Variants in UNC80 observed in about 807,000 individuals in gnomAD.
UNC80 encodes protein unc-80 homolog.
UNC80 carries 164 observed loss-of-function variants against 384.6 expected under a neutral mutation model. The observed-to-expected ratio is 0.43, with a 90% CI of 0.38 to 0.49. The LOEUF (loss-of-function observed/expected upper bound fraction) is 0.49. Among genes scored for constraint, UNC80 ranks in the 20% least tolerant of loss-of-function variants. The pLI is 0.00. For missense variants in UNC80, 3,330 were observed against 4,143.0 expected, an observed-to-expected ratio of 0.80 and a Z score of 5.39; for synonymous variants, 1,486 against 1,527.8, an observed-to-expected ratio of 0.97 and a Z score of 0.64.
chr2:209,788,003 G>A (rs1391095577), intron 5 of UNC80, among the ~76,000 whole-genome samples: 1 of 152,188 alleles, frequency 6.6e-6, no homozygotes, highest in African/African-American at 2.4e-5. Flanking sequence ...GGAAGACAGT[G>A]ATACAGATGA....
chr2:209,960,858 G>A (rs560454931), intron 51 of UNC80: 1 of 152,310 alleles, frequency 6.6e-6, no homozygotes, highest in South Asian at 2.1e-4. Flanking sequence ...CAGAGAAAGG[G>A]GAGGGACATT....
chr2:209,815,528 T>G, intron 9 of UNC80, 137 bp downstream of exon 9: 1 of 838,152 alleles, frequency 1.2e-6, no homozygotes, highest in Non-Finnish European at 1.8e-6. Context: ...CTCCTAGATG[T>G]GACACTGACT....
intron 22 of UNC80, among the ~76,000 whole-genome samples, chr2:209,851,456 G>A (rs1341584128): frequency 1.3e-5 from 2 of 152,104 alleles, no homozygotes; most frequent in Non-Finnish European, 2.9e-5. Context: ...CAAATGGAAA[G>A]GGTGGTGGTA....
At chr2:209,941,582 A>T (rs1363570664) in intron 44 of UNC80, 93 bp downstream of exon 44, 2 of 1,299,728 alleles carry the variant, frequency 1.5e-6, no homozygotes, top group Non-Finnish European at 1.0e-6. Flanking sequence ...CTTTTTAATG[A>T]TGGTGTTATC....
intron 26 of UNC80, among the ~76,000 whole-genome samples, chr2:209,888,669 G>A (rs1041922294): frequency 6.6e-6 from 1 of 151,968 alleles, no homozygotes; most frequent in African/African-American, 2.4e-5. Context: ...AGGCTGGAGT[G>A]CAGTGGCACA....
At chr2:209,830,366 G>A (rs2080866626) in intron 15 of UNC80, among the ~76,000 whole-genome samples, 1 of 152,156 alleles carries the variant, frequency 6.6e-6, no homozygotes. Context: ...TAGGATGGCA[G>A]TTGAGACAAT....
rs1288618274 is a variant in UNC80 at position 209,921,775 on chromosome 2, G to A, written c.5530+89G>A. On this transcript the variant is annotated intron_variant, in intron 34 of 64. Coordinates refer to ENST00000673920, the MANE Select transcript of UNC80 (RefSeq NM_001371986.1). ...TAACATTGACAATTTTATGTGACAT[G>A]AGGTGATATGCCCCCTTCCATCTCT... The A allele has an allele frequency of 5.3e-6, 7 of 1,328,732 alleles. No homozygotes were observed. The East Asian group carries it at 1.5e-4, about 29-fold the overall frequency. 82.3% of individuals were successfully genotyped at this position (1,328,732 alleles called of 1,614,324 possible). A position where few individuals can be genotyped will look rare whatever the true frequency, so the allele number is the denominator to read the frequency against.
chr2:209,955,105 G>GT (rs1176092366), intron 48 of UNC80, among the ~76,000 whole-genome samples: 7 of 152,098 alleles, frequency 4.6e-5, no homozygotes, highest in African/African-American at 1.7e-4. Context: ...CCAGGATAGG[G>GT]ATGGGGAAGC....
chr2:209,959,082 C>T, intron 49 of UNC80, 37 bp from the exon 50 acceptor site: 1 of 1,547,810 alleles, frequency 6.5e-7, no homozygotes, highest in East Asian at 2.4e-5. Context: ...CCCGTTCTTG[C>T]TCTAATAGTT....
chr2:209,895,573 A>G (rs926494185), intron 27 of UNC80, among the ~76,000 whole-genome samples: 2 of 152,142 alleles, frequency 1.3e-5, no homozygotes, highest in Non-Finnish European at 2.9e-5. Flanking sequence ...TTGGGGAAAA[A>G]TTATTGCAAT....
At chr2:209,788,372 G>A (rs1444758911) in intron 5 of UNC80, among the ~76,000 whole-genome samples, 4 of 149,450 alleles carry the variant, frequency 2.7e-5, no homozygotes, top group Non-Finnish European at 5.9e-5. Flanking sequence ...AGCAGAGATC[G>A]CACCATTGCA....
chr2:209,815,439 G>T (rs1046742293), intron 9 of UNC80, 48 bp downstream of exon 9: 1 of 1,529,406 alleles, frequency 6.5e-7, no homozygotes, highest in Non-Finnish European at 8.8e-7. Context: ...AATAAAAAAT[G>T]TCAGTGGGAC....
At chr2:209,907,565 G>T (rs976766076) in intron 29 of UNC80, among the ~76,000 whole-genome samples, 1 of 152,156 alleles carries the variant, frequency 6.6e-6, no homozygotes, top group Non-Finnish European at 1.5e-5. Context: ...GCCAACCAGC[G>T]AGAAGAGGTG....
Position 209,918,743 on chromosome 2 carries a change from C to T in UNC80, c.5343+80C>T, listed in dbSNP as rs184112341. ...ATATTTGTGGTAATTTGTTCATTCT[C>T]ATCATAAGAATGTAATAATAACACA... On this transcript the variant is annotated intron_variant, in intron 33 of 64. Transcript: ENST00000673920. 5.1e-6 allele frequency: 7 copies of T among 1,383,388 alleles called. No individual in the cohort carries two copies. The East Asian group carries it at 1.3e-4, about 25-fold the overall frequency. The allele number at this position is 1,383,388 out of a possible 1,614,324, so 85.7% of individuals were successfully genotyped here. A position where few individuals can be genotyped will look rare whatever the true frequency, so the allele number is the denominator to read the frequency against.
At chr2:209,782,584 G>A (rs959290440) in intron 4 of UNC80, among the ~76,000 whole-genome samples, 14 of 151,654 alleles carry the variant, frequency 9.2e-5, no homozygotes, top group East Asian at 3.9e-4. Context: ...CATTGTACCC[G>A]TGGTAGCTAA....
intron 35 of UNC80, among the ~76,000 whole-genome samples, chr2:209,923,004 TG>T (rs1200695262): frequency 6.6e-6 from 1 of 152,236 alleles, no homozygotes; most frequent in Non-Finnish European, 1.5e-5. Flanking sequence ...GTCTTTTAAC[TG>T]TTAAATTATA....
chr2:209,789,239 T>A (rs2077645628), intron 5 of UNC80, among the ~76,000 whole-genome samples: 1 of 152,226 alleles, frequency 6.6e-6, no homozygotes. Context: ...ACTTTGCATA[T>A]ATTAGGTGCT....
intron 52 of UNC80, chr2:209,967,859 AT>A (rs2092780940): frequency 2.3e-6 from 1 of 442,700 alleles, no homozygotes; most frequent in Non-Finnish European, 4.0e-6. Flanking sequence ...CTTGAAAAAA[AT>A]CTATCCATTT....
chr2:209,866,197 T>C (rs2083748982), intron 22 of UNC80, among the ~76,000 whole-genome samples: 2 of 152,298 alleles, frequency 1.3e-5, no homozygotes, highest in South Asian at 4.1e-4. Flanking sequence ...CTTCTGTAAA[T>C]TGAAAATATA....
Sources: gnomAD v4.1 joint callset for allele counts (sites outside exome capture counted in the v4.1 genomes callset) on GRCh38, gnomAD v4.1.1 for gene constraint, MANE v1.5 for transcripts, NCBI Gene and HGNC (gene_info 2026-07-23, HGNC 2026-07-21) for gene names.